CSMD1: variants seen among roughly 807,000 people sequenced by gnomAD.
The protein encoded by CSMD1 is CUB and Sushi multiple domains 1.
Under a neutral mutation model 417.5 loss-of-function variants are expected in CSMD1, and 213 were observed. That is an observed-to-expected ratio of 0.51 (90% CI 0.46 to 0.57). CSMD1 has a LOEUF of 0.57. CSMD1 is among the 20% of genes least tolerant of loss of function. The pLI, the probability that CSMD1 is intolerant of heterozygous loss-of-function variation, is 0.00. For missense variants in CSMD1, 6,923 were observed against 4,529.7 expected, an observed-to-expected ratio of 1.53 and a Z score of -15.17; for synonymous variants, 2,862 against 1,736.8, an observed-to-expected ratio of 1.65 and a Z score of -16.11.
intron 2 of CSMD1, among the ~76,000 whole-genome samples, chr8:4,610,810 G>A (rs184398241): frequency 6.6e-6 from 1 of 152,142 alleles, no homozygotes; most frequent in Non-Finnish European, 1.5e-5. Context: ...GTTCAGGATG[G>A]CATGCATGCC....
chr8:4,454,847 A>C (rs1799374037), intron 2 of CSMD1, among the ~76,000 whole-genome samples: 1 of 152,210 alleles, frequency 6.6e-6, no homozygotes, highest in African/African-American at 2.4e-5. Context: ...TTTTTTCCAC[A>C]GTTTAGTTTT....
At chr8:4,236,366 C>G (rs1418096171) in intron 3 of CSMD1, among the ~76,000 whole-genome samples, 1 of 152,076 alleles carries the variant, frequency 6.6e-6, no homozygotes, top group East Asian at 1.9e-4. Context: ...TTCATCCCCA[C>G]TCGGAGAAAG....
chr8:3,396,105 G>C lies in CSMD1; in HGVS notation c.2593+89C>G, dbSNP rs948084844. ...CAAGCAGGATCAGTAAACTAGCACA[G>C]TCATCTGCAGGCTGGAAATAAGAAC... On this transcript the variant is annotated intron_variant, in intron 17 of 69. Coordinates refer to ENST00000635120, the MANE Select transcript of CSMD1 (RefSeq NM_033225.6). 8 of 1,121,396 alleles carry C rather than the reference G, an allele frequency of 7.1e-6. No individual in the cohort carries two copies. The Admixed American group carries it at 8.5e-5, about 12-fold the overall frequency. The allele number at this position is 1,121,396 out of a possible 1,614,324, so 69.5% of individuals were successfully genotyped here. A position where few individuals can be genotyped will look rare whatever the true frequency, so the allele number is the denominator to read the frequency against.
At chr8:3,817,202 G>A (rs561649849) in intron 5 of CSMD1, among the ~76,000 whole-genome samples, 1 of 127,940 alleles carries the variant, frequency 7.8e-6, no homozygotes, top group East Asian at 2.7e-4. Context: ...ATGGTCAATT[G>A]TCCACTCTGG....
chr8:4,399,182 A>G (rs2128928108), intron 3 of CSMD1, among the ~76,000 whole-genome samples: 1 of 152,282 alleles, frequency 6.6e-6, no homozygotes, highest in South Asian at 2.1e-4. Context: ...ATAAATAAAG[A>G]TGATCCTAGC....
At chr8:4,101,084 G>C (rs774615916) in intron 3 of CSMD1, among the ~76,000 whole-genome samples, 2 of 152,178 alleles carry the variant, frequency 1.3e-5, no homozygotes, top group South Asian at 2.1e-4. Flanking sequence ...GCTGGGTTCA[G>C]AACTATGCAT....
intron 1 of CSMD1, among the ~76,000 whole-genome samples, chr8:4,876,431 T>A (rs547022647): frequency 6.6e-6 from 1 of 152,224 alleles, no homozygotes; most frequent in South Asian, 2.1e-4. Flanking sequence ...TTTGTAAAGA[T>A]CTTTACTTCA....
intron 1 of CSMD1, among the ~76,000 whole-genome samples, chr8:4,973,404 G>C (rs1234599316): frequency 6.6e-6 from 1 of 152,044 alleles, no homozygotes; most frequent in Non-Finnish European, 1.5e-5. Flanking sequence ...CTATTTGCTT[G>C]TCCTGAAGCA....
chr8:4,845,811 G>A (rs1356897112), intron 1 of CSMD1, among the ~76,000 whole-genome samples: 1 of 152,164 alleles, frequency 6.6e-6, no homozygotes, highest in Non-Finnish European at 1.5e-5. Context: ...AAAGACAATT[G>A]ATATTCACAT....
Position 2,963,322 on chromosome 8 carries a change from G to A in CSMD1, c.9354C>T (p.Ser3118=), listed in dbSNP as rs1357132967. 6.2e-7 allele frequency: 1 copy of A among 1,613,940 alleles called. No individual in the cohort carries two copies. Among genetic ancestry groups the A allele is most frequent in the Admixed American group, 1.7e-5 (1 of 60,016 alleles). ...AACCGTCCATGCAGCTGTAACTTAT[G>A]CTGGAGCCCCAGCGGAAATCACTTC... ...VEGSDFRWGS[S]ISYSCMDGYQ... is the part of the protein sequence containing the mutation. The change falls in exon 60 of 70, where the codon AGC becomes AGT. Residue 3118 remains serine, a synonymous_variant. Transcript: ENST00000635120.
chr8:4,577,386 T>C (rs1477929163), intron 2 of CSMD1, among the ~76,000 whole-genome samples: 2 of 152,182 alleles, frequency 1.3e-5, no homozygotes, highest in Non-Finnish European at 2.9e-5. Flanking sequence ...GGCACATTTC[T>C]TTCCATCCTC....
intron 1 of CSMD1, among the ~76,000 whole-genome samples, chr8:4,756,041 A>C (rs1811647849): frequency 6.6e-6 from 1 of 152,212 alleles, no homozygotes; most frequent in Admixed American, 6.5e-5. Context: ...TCACAAATAC[A>C]AATGCTAAAT....
intron 3 of CSMD1, among the ~76,000 whole-genome samples, chr8:4,073,462 C>A (rs1172864364): frequency 6.6e-6 from 1 of 152,102 alleles, no homozygotes; most frequent in Non-Finnish European, 1.5e-5. Context: ...TACTTAGATT[C>A]TATTTTCTCC....
intron 2 of CSMD1, among the ~76,000 whole-genome samples, chr8:4,575,207 A>G (rs1056660296): frequency 5.3e-5 from 8 of 152,202 alleles, no homozygotes; most frequent in Non-Finnish European, 7.3e-5. Flanking sequence ...CAAGGTTACT[A>G]TAATTCTCCT....
At chr8:4,606,013 C>G (rs927682385) in intron 2 of CSMD1, among the ~76,000 whole-genome samples, 3 of 152,124 alleles carry the variant, frequency 2.0e-5, no homozygotes, top group African/African-American at 7.2e-5. Context: ...AGCCCAGACA[C>G]CAAGCTGACA....
chr8:4,564,074 C>T (rs1485142140), intron 2 of CSMD1, among the ~76,000 whole-genome samples: 2 of 152,066 alleles, frequency 1.3e-5, no homozygotes, highest in Non-Finnish European at 2.9e-5. Context: ...TTAAGTATGT[C>T]ATAAGCATAT....
At chr8:4,633,962 A>C (rs1027787465) in intron 2 of CSMD1, among the ~76,000 whole-genome samples, 1 of 151,644 alleles carries the variant, frequency 6.6e-6, no homozygotes, top group Non-Finnish European at 1.5e-5. Context: ...AATAAAGTTC[A>C]GCTGTTTAAA....
intron 50 of CSMD1, among the ~76,000 whole-genome samples, chr8:3,030,100 A>T (rs1288297800): frequency 6.6e-6 from 1 of 152,088 alleles, no homozygotes; most frequent in Non-Finnish European, 1.5e-5. Context: ...ATGTCCTTAG[A>T]AAAGGGCCTA....
intron 23 of CSMD1, among the ~76,000 whole-genome samples, chr8:3,329,210 A>G (rs915949703): frequency 6.6e-6 from 1 of 152,154 alleles, no homozygotes; most frequent in Non-Finnish European, 1.5e-5. Flanking sequence ...GGATATTATC[A>G]ATAACAGAGG....
Sources: allele counts gnomAD v4.1 joint callset (sites outside exome capture counted in the v4.1 genomes callset), GRCh38; gene constraint gnomAD v4.1.1; transcripts MANE v1.5; gene names NCBI Gene and HGNC (gene_info 2026-07-23, HGNC 2026-07-21).